The following ZNF385D variants were observed in gnomAD, a reference collection of about 807,000 sequenced individuals.
ZNF385D encodes zinc finger protein 659.
A neutral mutation model predicts 35.8 loss-of-function variants in ZNF385D; 15 were observed. The observed-to-expected ratio is 0.42, with a 90% CI of 0.28 to 0.64. The LOEUF (loss-of-function observed/expected upper bound fraction) is 0.64. Among genes scored for constraint, ZNF385D ranks in the 30% least tolerant of loss-of-function variants. The probability of loss-of-function intolerance (pLI) is 0.23; values close to 1 mark genes in which losing one functional copy is unlikely to be tolerated. For missense variants in ZNF385D, 474 were observed against 494.6 expected (o/e 0.96, Z 0.39); for synonymous variants, 212 against 186.8 (o/e 1.13, Z -1.10).
chr3:22,171,025 AT>A (rs777527827), intron 2 of ZNF385D, among the ~76,000 whole-genome samples: 9 of 152,358 alleles, frequency 5.9e-5, no homozygotes, highest in East Asian at 1.9e-4. Flanking sequence ...TATTAGAATT[AT>A]TTCATTCTGA....
At chr3:21,997,870 C>T (rs62248419) in intron 3 of ZNF385D, among the ~76,000 whole-genome samples, 6,075 of 61,996 alleles carry the variant, frequency 0.098, 337 homozygotes, top group African/African-American at 0.3. Flanking sequence ...CGCGCGCGCG[C>T]GCGTGTGTGT....
At chr3:21,848,060 T>C (rs551182949) in intron 3 of ZNF385D, among the ~76,000 whole-genome samples, 1 of 152,178 alleles carries the variant, frequency 6.6e-6, no homozygotes, top group African/African-American at 2.4e-5. Flanking sequence ...AAATACCTTA[T>C]ATAAGTGAAT....
chr3:22,308,868 A>G (rs1380466697), intron 2 of ZNF385D, among the ~76,000 whole-genome samples: 8 of 152,100 alleles, frequency 5.3e-5, no homozygotes, highest in Admixed American at 1.3e-4. Context: ...AACAGAACAA[A>G]CAAATACAGC....
At chr3:22,136,996 G>C (rs1445381117) in intron 3 of ZNF385D, among the ~76,000 whole-genome samples, 1 of 152,150 alleles carries the variant, frequency 6.6e-6, no homozygotes, top group Non-Finnish European at 1.5e-5. Context: ...TGATCATGTA[G>C]TGGTGGATAT....
chr3:21,520,767 A>G (rs1707854269), intron 3 of ZNF385D, among the ~76,000 whole-genome samples: 1 of 152,234 alleles, frequency 6.6e-6, no homozygotes, highest in Non-Finnish European at 1.5e-5. Context: ...ATGACTCTGC[A>G]TTTTAAGGGT....
At chr3:21,950,959 T>C (rs1401332877) in intron 3 of ZNF385D, among the ~76,000 whole-genome samples, 1 of 151,774 alleles carries the variant, frequency 6.6e-6, no homozygotes, top group Admixed American at 6.6e-5. Flanking sequence ...CCTTGTAGTA[T>C]AGTTGGAAGT....
chr3:21,558,607 C>T (rs13096493), intron 3 of ZNF385D, among the ~76,000 whole-genome samples: 30,651 of 152,156 alleles, frequency 0.2, 3,870 homozygotes, highest in Non-Finnish European at 0.29. Context: ...CAATGAGTTG[C>T]TGAGAAGAAC....
chr3:21,447,146 A>G (rs1171539341), intron 4 of ZNF385D, among the ~76,000 whole-genome samples: 1 of 152,204 alleles, frequency 6.6e-6, no homozygotes, highest in African/African-American at 2.4e-5. Context: ...GCTATTGTAC[A>G]TACAACTGAT....
At chr3:21,886,471 AC>A (rs1273676413) in intron 3 of ZNF385D, among the ~76,000 whole-genome samples, 2 of 152,118 alleles carry the variant, frequency 1.3e-5, no homozygotes, top group East Asian at 3.9e-4. Flanking sequence ...CTCTCTGAGC[AC>A]CACCCTTCAA....
At chr3:21,438,884 T>A (rs1182555929) in intron 4 of ZNF385D, among the ~76,000 whole-genome samples, 1 of 152,152 alleles carries the variant, frequency 6.6e-6, no homozygotes, top group Non-Finnish European at 1.5e-5. Context: ...CCTGATTAGT[T>A]TTTATTTGCC....
chr3:21,669,023 C>T (rs1213811788), intron 1 of ZNF385D, among the ~76,000 whole-genome samples: 1 of 152,192 alleles, frequency 6.6e-6, no homozygotes, highest in African/African-American at 2.4e-5. Context: ...TGCCACATTT[C>T]TGGAAATATT....
intron 2 of ZNF385D, among the ~76,000 whole-genome samples, chr3:22,219,765 A>T (rs1249888620): frequency 1.3e-5 from 2 of 152,212 alleles, no homozygotes; most frequent in East Asian, 3.9e-4. Flanking sequence ...GAATGAATAA[A>T]GATTTTGAAT....
At chr3:22,044,001 C>A (rs1366891992) in intron 3 of ZNF385D, among the ~76,000 whole-genome samples, 2 of 151,604 alleles carry the variant, frequency 1.3e-5, no homozygotes, top group African/African-American at 4.9e-5. Context: ...GTAGAAGTGA[C>A]AGCAAATATT....
intron 3 of ZNF385D, among the ~76,000 whole-genome samples, chr3:21,548,383 T>G (rs2125588662): frequency 6.6e-6 from 1 of 152,352 alleles, no homozygotes; most frequent in East Asian, 1.9e-4. Context: ...TTCCTAGCAT[T>G]AATGCCTTCT....
intron 3 of ZNF385D, among the ~76,000 whole-genome samples, chr3:21,865,552 T>A (rs903705810): frequency 1.3e-5 from 2 of 152,118 alleles, no homozygotes; most frequent in Admixed American, 6.6e-5. Context: ...TCAATGTGCA[T>A]TCTTGAATAT....
intron 3 of ZNF385D, among the ~76,000 whole-genome samples, chr3:22,096,890 C>T (rs1025461140): frequency 6.6e-6 from 1 of 152,016 alleles, no homozygotes; most frequent in Non-Finnish European, 1.5e-5. Context: ...GACTGATTGA[C>T]CAAAAAGACA....
chr3:21,950,068 A>AGTAACTATGATGGTTTCCT (rs1701991309), intron 3 of ZNF385D, among the ~76,000 whole-genome samples: 1 of 152,058 alleles, frequency 6.6e-6, no homozygotes, highest in African/African-American at 2.4e-5. Context: ...TTGGGTATAT[A>AGTAACTATGATGGTTTCCT]CCCAGTAATG....
intron 3 of ZNF385D, among the ~76,000 whole-genome samples, chr3:22,079,797 TG>T (rs1479007094): frequency 6.6e-6 from 1 of 152,000 alleles, no homozygotes; most frequent in Non-Finnish European, 1.5e-5. Flanking sequence ...ATAAAGACCT[TG>T]GACATACGGG....
intron 3 of ZNF385D, among the ~76,000 whole-genome samples, chr3:21,963,683 ATT>A (rs1434230475): frequency 2.6e-5 from 4 of 152,214 alleles, no homozygotes; most frequent in Admixed American, 6.6e-5. Flanking sequence ...ATCTCTTTAT[ATT>A]ACAGACCTCT....
Sources: gnomAD v4.1 joint callset for allele counts (sites outside exome capture counted in the v4.1 genomes callset) on GRCh38, gnomAD v4.1.1 for gene constraint, MANE v1.5 for transcripts, NCBI Gene and HGNC (gene_info 2026-07-23, HGNC 2026-07-21) for gene names.